Variants in SRPK2 observed in about 807,000 individuals in gnomAD.
The protein encoded by SRPK2 is SRSF protein kinase 2.
A neutral mutation model predicts 90.8 loss-of-function variants in SRPK2; 21 were observed. The observed-to-expected ratio is 0.23, with a 90% CI of 0.16 to 0.33. The LOEUF (loss-of-function observed/expected upper bound fraction) is 0.33, where lower values mean the gene tolerates loss of function less well. SRPK2 is among the 10% of genes least tolerant of loss of function. The pLI is 1.00. For missense variants in SRPK2, 620 were observed against 869.0 expected (o/e 0.71, Z 3.60); for synonymous variants, 288 against 311.1 (o/e 0.93, Z 0.78).
chr7:105,236,015 A>G (rs755730122), intron 2 of SRPK2, among the ~76,000 whole-genome samples: 4 of 152,186 alleles, frequency 2.6e-5, no homozygotes, highest in Non-Finnish European at 4.4e-5. Context: ...CCTGAATAAG[A>G]TCTGTGGTTC....
chr7:105,292,580 A>G (rs1809201965), intron 2 of SRPK2, among the ~76,000 whole-genome samples: 1 of 151,722 alleles, frequency 6.6e-6, no homozygotes, highest in Non-Finnish European at 1.5e-5. Flanking sequence ...GGCACTACTC[A>G]GATATTCTCA....
chr7:105,382,766 T>G (rs529243135), intron 2 of SRPK2, among the ~76,000 whole-genome samples: 2 of 152,280 alleles, frequency 1.3e-5, no homozygotes, highest in African/African-American at 4.8e-5. Context: ...AGAGAGTGAC[T>G]GTTCTTTGTG....
intron 2 of SRPK2, among the ~76,000 whole-genome samples, chr7:105,358,076 T>C (rs907510539): frequency 6.6e-6 from 1 of 151,490 alleles, no homozygotes; most frequent in Admixed American, 6.6e-5. Flanking sequence ...ATACAAAAAT[T>C]AGTTGGGCGT....
chr7:105,355,530 T>A (rs1439401889), intron 2 of SRPK2, among the ~76,000 whole-genome samples: 1 of 151,616 alleles, frequency 6.6e-6, no homozygotes, highest in Non-Finnish European at 1.5e-5. Context: ...GGAGCACACC[T>A]GTGGTCCCAG....
At chr7:105,358,709 A>G (rs1005540782) in intron 2 of SRPK2, among the ~76,000 whole-genome samples, 5 of 152,082 alleles carry the variant, frequency 3.3e-5, no homozygotes, top group African/African-American at 7.2e-5. Flanking sequence ...GAAAGAAAAA[A>G]TCATAAGGAA....
At chr7:105,355,306 C>A (rs374467703) in intron 2 of SRPK2, among the ~76,000 whole-genome samples, 1 of 151,430 alleles carries the variant, frequency 6.6e-6, no homozygotes, top group South Asian at 2.1e-4. Flanking sequence ...GACTAGCCTG[C>A]GCAACACGGC....
intron 2 of SRPK2, among the ~76,000 whole-genome samples, chr7:105,289,810 C>T (rs1208935972): frequency 1.3e-5 from 2 of 151,978 alleles, no homozygotes; most frequent in Non-Finnish European, 2.9e-5. Flanking sequence ...CCTTCTCAGC[C>T]TCTGACATGC....
upstream of SRPK2, among the ~76,000 whole-genome samples, chr7:105,392,415 T>C (rs1822203355): frequency 6.6e-6 from 1 of 152,236 alleles, no homozygotes; most frequent in Non-Finnish European, 1.5e-5. Flanking sequence ...TGAAACTGTG[T>C]GAATATCTCT....
intron 2 of SRPK2, among the ~76,000 whole-genome samples, chr7:105,359,018 G>A (rs182418691): frequency 1.3e-5 from 2 of 151,880 alleles, no homozygotes; most frequent in East Asian, 3.9e-4. Context: ...TGAGAAGCAA[G>A]AATGACACCT....
At chr7:105,389,045 C>T (rs1384609265), upstream of SRPK2, 4 of 969,458 alleles carry the variant, frequency 4.1e-6, no homozygotes, top group Non-Finnish European at 4.9e-6. Context: ...GCGCGCCCAG[C>T]GCCCCGCGCC....
chr7:105,269,527 A>G (rs1296048015), intron 2 of SRPK2, among the ~76,000 whole-genome samples: 2 of 152,214 alleles, frequency 1.3e-5, no homozygotes, highest in Non-Finnish European at 2.9e-5. Flanking sequence ...GTACAAGTGA[A>G]CAGCAACACC....
At chr7:105,212,740 G>A (rs559362304) in intron 2 of SRPK2, among the ~76,000 whole-genome samples, 127 of 152,242 alleles carry the variant, frequency 8.3e-4, no homozygotes, top group Non-Finnish European at 1.5e-3. Flanking sequence ...ATGGGAAAAC[G>A]CTGCAATTGT....
At chr7:105,241,664 T>A (rs1800831422) in intron 2 of SRPK2, among the ~76,000 whole-genome samples, 2 of 152,230 alleles carry the variant, frequency 1.3e-5, no homozygotes, top group African/African-American at 4.8e-5. Context: ...CTTTCAGCTC[T>A]AACAATCTAC....
intron 2 of SRPK2, among the ~76,000 whole-genome samples, chr7:105,364,033 G>A (rs372796810): frequency 1.3e-5 from 2 of 151,326 alleles, no homozygotes; most frequent in Non-Finnish European, 2.9e-5. Flanking sequence ...GGGGCCTGTC[G>A]TGGGGTGGGG....
intron 3 of SRPK2, among the ~76,000 whole-genome samples, chr7:105,183,818 G>T (rs1297843673): frequency 6.6e-6 from 1 of 152,108 alleles, no homozygotes; most frequent in Non-Finnish European, 1.5e-5. Flanking sequence ...CATGTCTAGA[G>T]ATTTACTTGA....
intron 2 of SRPK2, among the ~76,000 whole-genome samples, chr7:105,310,710 C>T (rs1811610923): frequency 6.6e-6 from 1 of 152,016 alleles, no homozygotes; most frequent in South Asian, 2.1e-4. Context: ...TTGGATCACC[C>T]ATAATCCTAC....
intron 2 of SRPK2, among the ~76,000 whole-genome samples, chr7:105,348,955 G>C (rs1290243668): frequency 2.6e-5 from 4 of 151,000 alleles, no homozygotes; most frequent in African/African-American, 9.7e-5. Flanking sequence ...AGACCAGCCT[G>C]GCCAACATGG....
At chr7:105,361,681 A>T (rs1818441036) in intron 2 of SRPK2, among the ~76,000 whole-genome samples, 1 of 152,070 alleles carries the variant, frequency 6.6e-6, no homozygotes, top group South Asian at 2.1e-4. Context: ...CACATCTACA[A>T]CCATCTGATC....
chr7:105,201,899 G>C (rs1795609428), intron 3 of SRPK2, among the ~76,000 whole-genome samples: 2 of 152,172 alleles, frequency 1.3e-5, no homozygotes, highest in South Asian at 4.2e-4. Context: ...GAAAAAACAA[G>C]AAAAGAAAAA....
Sources: gnomAD v4.1 joint callset for allele counts (sites outside exome capture counted in the v4.1 genomes callset) on GRCh38, gnomAD v4.1.1 for gene constraint, MANE v1.5 for transcripts, NCBI Gene and HGNC (gene_info 2026-07-23, HGNC 2026-07-21) for gene names.